ROCK1: variants seen among roughly 807,000 people sequenced by gnomAD.
ROCK1 encodes the protein rho-associated protein kinase 1.
In ROCK1, 36 loss-of-function variants were observed where a neutral mutation model predicts 196.8. The observed-to-expected ratio is 0.18, with a 90% CI of 0.14 to 0.24. The LOEUF is 0.24. ROCK1 is among the 10% of genes least tolerant of loss of function. The pLI is 1.00. For missense variants in ROCK1, 920 were observed against 1,562.0 expected, an observed-to-expected ratio of 0.59 and a Z score of 6.93; for synonymous variants, 443 against 515.9, an observed-to-expected ratio of 0.86 and a Z score of 1.91.
intron 12 of ROCK1, among the ~76,000 whole-genome samples, chr18:21,017,507 A>C (rs1172495207): frequency 6.6e-6 from 1 of 151,858 alleles, no homozygotes; most frequent in Non-Finnish European, 1.5e-5. Context: ...CTTCTTGATA[A>C]TTACTTACTT....
rs747609052 is a variant in ROCK1 at position 20,960,124 on chromosome 18, G to A, written c.3423+12C>T. On this transcript the variant is annotated intron_variant, in intron 28 of 32. Transcript: ENST00000399799. ...CAAAATACCAGTTAGAAAATAATTA[G>A]GTATATGGTACCTGTTTCTTCCAGC... is the stretch of plus-strand genomic sequence containing the variant. 6.6e-7 allele frequency: 1 copy of A among 1,526,652 alleles called. No individual in the cohort carries two copies. Among genetic ancestry groups the A allele is most frequent in the Non-Finnish European group, 9.1e-7 (1 of 1,101,530 alleles). 94.6% of individuals were successfully genotyped at this position (1,526,652 alleles called of 1,614,324 possible).
intron 10 of ROCK1, among the ~76,000 whole-genome samples, chr18:21,027,707 T>C (rs1333907492): frequency 6.7e-6 from 1 of 150,368 alleles, no homozygotes; most frequent in East Asian, 2.0e-4. Flanking sequence ...GAGGTAATAC[T>C]ACATTTTATA....
chr18:21,043,701 T>C (rs538507298), intron 6 of ROCK1, among the ~76,000 whole-genome samples: 20 of 151,574 alleles, frequency 1.3e-4, no homozygotes, highest in South Asian at 1.0e-3. Flanking sequence ...TAAAATCTTT[T>C]ATATGTTAAC....
intron 5 of ROCK1, 122 bp downstream of exon 5, chr18:21,045,170 T>C: frequency 2.3e-6 from 2 of 885,394 alleles, no homozygotes; most frequent in Non-Finnish European, 1.6e-6. Context: ...GAGTCTTGAG[T>C]TCTGAAAGGT....
intron 1 of ROCK1, among the ~76,000 whole-genome samples, chr18:21,081,025 TAAAG>T (rs1214938536): frequency 1.3e-5 from 2 of 152,124 alleles, no homozygotes; most frequent in African/African-American, 4.8e-5. Flanking sequence ...TAACAGATTA[TAAAG>T]AGAGAGAGAG....
At position 20,950,883 on chromosome 18, in the gene ROCK1, TAAA is replaced by T. The variant is rs2035179882; in HGVS notation, c.*498_*500del. 6.6e-6 allele frequency: 1 copy of T among 152,480 alleles called. No individual in the cohort carries two copies. The allele number at this position is 152,480 out of a possible 1,614,324, so 9.4% of individuals were successfully genotyped here. A position where few individuals can be genotyped will look rare whatever the true frequency, so the allele number is the denominator to read the frequency against. On this transcript the variant is annotated 3_prime_UTR_variant, in exon 33 of 33. Transcript: ENST00000399799. Reference sequence around the variant, plus strand: ...AGTTCAAGTGATATCACTGCTTTCTTAAAATAGTTTTGTATAGTCTTGCAAGAG... The same window carrying T: ...AGTTCAAGTGATATCACTGCTTTCTTATAGTTTTGTATAGTCTTGCAAGAG...
intron 9 of ROCK1, among the ~76,000 whole-genome samples, chr18:21,031,734 A>C (rs2143484315): frequency 6.6e-6 from 1 of 152,238 alleles, no homozygotes; most frequent in South Asian, 2.1e-4. Context: ...CTATGGATGA[A>C]GTACCAGGAA....
chr18:20,987,922 C>A (rs1235439032), intron 18 of ROCK1, among the ~76,000 whole-genome samples: 1 of 152,140 alleles, frequency 6.6e-6, no homozygotes, highest in Non-Finnish European at 1.5e-5. Flanking sequence ...TATCTCTCTC[C>A]TGAGCTCCAG....
intron 1 of ROCK1, among the ~76,000 whole-genome samples, chr18:21,074,265 C>A (rs953287124): frequency 6.6e-5 from 10 of 152,212 alleles, no homozygotes; most frequent in Non-Finnish European, 4.4e-5. Context: ...GGAATTTTAA[C>A]AACCTGATAT....
intron 2 of ROCK1, among the ~76,000 whole-genome samples, chr18:21,050,576 G>C (rs1266397025): frequency 5.9e-5 from 9 of 152,018 alleles, no homozygotes; most frequent in African/African-American, 1.9e-4. Flanking sequence ...ATCCACATGG[G>C]TCAACACTGG....
intron 16 of ROCK1, among the ~76,000 whole-genome samples, chr18:20,994,067 A>C (rs1568378313): frequency 1.3e-5 from 2 of 152,322 alleles, no homozygotes; most frequent in South Asian, 2.1e-4. Flanking sequence ...ATAAATATTA[A>C]ATCTTTGGCA....
chr18:21,109,454 ATCAGACT>A lies in ROCK1; in HGVS notation c.93+1357_93+1363del, dbSNP rs550568781. Among the ~76,000 whole-genome samples, 441 of 152,354 alleles carry A rather than the reference ATCAGACT, an allele frequency of 2.9e-3. 2 individuals are homozygous for A. Among genetic ancestry groups the A allele is most frequent in the African/African-American group, 0.01 (424 of 41,592 alleles). On this transcript the variant is annotated intron_variant, in intron 1 of 32. Transcript: ENST00000399799. ...AAACTGGATAAATATTAAAAGATAA[ATCAGACT>A]TCTTAGAAGTTATAGAAATCCTTAC...
At chr18:21,004,689 A>G (rs1304466607) in intron 16 of ROCK1, among the ~76,000 whole-genome samples, 2 of 152,216 alleles carry the variant, frequency 1.3e-5, no homozygotes, top group Non-Finnish European at 2.9e-5. Context: ...AAGGATTTAT[A>G]GAGGTAACCT....
intron 1 of ROCK1, among the ~76,000 whole-genome samples, chr18:21,074,268 C>G (rs1369582909): frequency 6.6e-6 from 1 of 152,162 alleles, no homozygotes; most frequent in Admixed American, 6.5e-5. Context: ...ATTTTAACAA[C>G]CTGATATTAA....
chr18:21,045,155 G>T, intron 5 of ROCK1, 137 bp downstream of exon 5: 2 of 719,932 alleles, frequency 2.8e-6, no homozygotes, highest in Non-Finnish European at 4.2e-6. Flanking sequence ...GGCAGCGCCT[G>T]GCCAGAGTCT....
At chr18:20,977,367 C>G (rs1332782408) in intron 22 of ROCK1, among the ~76,000 whole-genome samples, 1 of 152,214 alleles carries the variant, frequency 6.6e-6, no homozygotes, top group Non-Finnish European at 1.5e-5. Flanking sequence ...CTGTCACGAA[C>G]TAACCATTTG....
chr18:21,017,186 C>G (rs74878179), intron 12 of ROCK1, among the ~76,000 whole-genome samples: 3 of 99,090 alleles, frequency 3.0e-5, no homozygotes, highest in Non-Finnish European at 5.7e-5. Flanking sequence ...TACCACACTT[C>G]TTTTTTTTTT....
At chr18:21,092,055 G>T (rs1439294523) in intron 1 of ROCK1, among the ~76,000 whole-genome samples, 1 of 152,144 alleles carries the variant, frequency 6.6e-6, no homozygotes, top group African/African-American at 2.4e-5. Context: ...ATTATTAGGG[G>T]AGTCAGCACC....
intron 25 of ROCK1, among the ~76,000 whole-genome samples, 161 bp from the exon 26 acceptor site, chr18:20,968,101 A>AAC (rs1389359436): frequency 2.6e-5 from 4 of 152,284 alleles, no homozygotes; most frequent in Non-Finnish European, 5.9e-5. Context: ...ACAAGTAACT[A>AAC]ACACTGACTT....
Sources: gnomAD v4.1 joint callset for allele counts (sites outside exome capture counted in the v4.1 genomes callset) on GRCh38, gnomAD v4.1.1 for gene constraint, MANE v1.5 for transcripts, NCBI Gene and HGNC (gene_info 2026-07-23, HGNC 2026-07-21) for gene names.